The following TBC1D19 variants were observed in gnomAD, a reference collection of about 807,000 sequenced individuals.
TBC1D19 encodes TBC1 domain family member 19, also known as TBC1 domain family, member 19.
TBC1D19 carries 60 observed loss-of-function variants against 89.0 expected under a neutral mutation model. The observed-to-expected ratio is 0.67, with a 90% confidence interval of 0.55 to 0.84. The LOEUF is 0.84. Ranked by LOEUF, TBC1D19 falls within the 40% of genes least tolerant of loss-of-function variation. The probability of loss-of-function intolerance (pLI) is 0.00; values close to 1 mark genes in which losing one functional copy is unlikely to be tolerated. For missense variants in TBC1D19, 500 were observed against 610.8 expected, an observed-to-expected ratio of 0.82 and a Z score of 1.91; for synonymous variants, 189 against 199.7, an observed-to-expected ratio of 0.95 and a Z score of 0.45.
At chr4:26,805,540 C>T in the TBC1D19 span, among the ~76,000 whole-genome samples, 1 of 152,178 alleles carries the variant, frequency 6.6e-6, no homozygotes, top group African/African-American at 2.4e-5. Flanking sequence ...ATCCTCAGTC[C>T]TCAGTCACTC....
chr4:26,829,587 CCT>C, the TBC1D19 span, among the ~76,000 whole-genome samples: 2 of 152,124 alleles, frequency 1.3e-5, no homozygotes, highest in Non-Finnish European at 2.9e-5. Context: ...CCATTTTTCC[CCT>C]CTCTCACACA....
At chr4:26,583,996 A>T, upstream of TBC1D19, 1 of 577,620 alleles carries the variant, frequency 1.7e-6, no homozygotes, top group Admixed American at 3.2e-5. Flanking sequence ...CGGAACGCAG[A>T]TGCTGTGGCC....
chr4:26,819,340 T>C, the TBC1D19 span, among the ~76,000 whole-genome samples: 1 of 152,214 alleles, frequency 6.6e-6, no homozygotes, highest in South Asian at 2.1e-4. Context: ...CCAGTGTTCC[T>C]GTGCTCCTGG....
chr4:26,770,042 C>CA, the TBC1D19 span, among the ~76,000 whole-genome samples: 1 of 142,222 alleles, frequency 7.0e-6, no homozygotes, highest in African/African-American at 2.6e-5. Context: ...AAAAAGGAAA[C>CA]AAAAAACAGA....
intron 7 of TBC1D19, among the ~76,000 whole-genome samples, chr4:26,644,420 T>A (rs1743771710): frequency 1.3e-5 from 2 of 152,164 alleles, no homozygotes; most frequent in Admixed American, 6.5e-5. Context: ...ATGGAACGTA[T>A]CTCAAAATAA....
the TBC1D19 span, among the ~76,000 whole-genome samples, chr4:26,803,938 G>A: frequency 7.2e-5 from 11 of 151,780 alleles, no homozygotes; most frequent in Non-Finnish European, 5.9e-5. Context: ...GGGGCATGGA[G>A]GTAGGAAAGA....
At chr4:26,740,856 T>G in intron 17 of TBC1D19, 2 of 985,368 alleles carry the variant, frequency 2.0e-6, no homozygotes, top group Non-Finnish European at 2.4e-6. Flanking sequence ...TATATTCCTA[T>G]TTCACCTTCC....
chr4:26,761,145 C>T (rs1340817107), downstream of TBC1D19, among the ~76,000 whole-genome samples: 2 of 152,130 alleles, frequency 1.3e-5, no homozygotes, highest in East Asian at 3.8e-4. Context: ...AGTGTAAGTC[C>T]TCTAACTTTA....
chr4:26,745,648 A>G lies in TBC1D19; in HGVS notation c.1320-2763A>G, dbSNP rs574344459. 5.3e-5 allele frequency among the ~76,000 whole-genome samples: 8 copies of G among 151,444 alleles called. No homozygotes were observed. The South Asian group carries it at 8.4e-4, about 16-fold the overall frequency. On this transcript the variant is annotated intron_variant, in intron 18 of 20. Transcript: ENST00000264866. ...CAGCCTCCCAAGTAGCTGGGATTACAGGTGCACGCCACCATGCGCAGCTAA... is the reference window on the plus strand; with the variant it reads ...CAGCCTCCCAAGTAGCTGGGATTACGGGTGCACGCCACCATGCGCAGCTAA...
At chr4:26,784,862 A>G in the TBC1D19 span, among the ~76,000 whole-genome samples, 1 of 152,238 alleles carries the variant, frequency 6.6e-6, no homozygotes, top group East Asian at 1.9e-4. Flanking sequence ...GCCATGATAT[A>G]CATTCATACT....
chr4:26,775,041 C>G, the TBC1D19 span, among the ~76,000 whole-genome samples: 1 of 152,148 alleles, frequency 6.6e-6, no homozygotes, highest in Non-Finnish European at 1.5e-5. Context: ...TTGAGAATAA[C>G]CATATAAGTT....
chr4:26,825,226 G>A, the TBC1D19 span, among the ~76,000 whole-genome samples: 4 of 151,994 alleles, frequency 2.6e-5, no homozygotes, highest in East Asian at 1.9e-4. Flanking sequence ...AGTTTCCCGA[G>A]TAGCTGGGAC....
rs1718034643 is a variant in TBC1D19 at position 26,736,196 on chromosome 4, A to G, written c.1117+709A>G. ...TAAGAAAATGTGGCACATATACACC[A>G]TGGAATACTATGCAGCCATAAAAAA... On this transcript the variant is annotated intron_variant, in intron 16 of 20. Coordinates refer to ENST00000264866, the MANE Select transcript of TBC1D19 (RefSeq NM_018317.4). Among the ~76,000 whole-genome samples the G allele has an allele frequency of 2.0e-5, 2 of 99,254 alleles. 1 individual carries two copies. The allele number at this position is 99,254 out of a possible 152,430, so 65.1% of individuals were successfully genotyped here. A position where few individuals can be genotyped will look rare whatever the true frequency, so the allele number is the denominator to read the frequency against.
chr4:26,673,797 CT>C lies in TBC1D19; in HGVS notation c.726del (p.Ala243LeufsTer14). The C allele has an allele frequency of 6.2e-7, 1 of 1,610,904 alleles. No homozygotes were observed. The highest frequency in any genetic ancestry group is 8.5e-7 in the Non-Finnish European group (1 of 1,177,676). ...ATAGTTCTAGCAGAACAAGATAGTG[CT>C]GCTGCTCAACAGTACATCAGACAAG... Reference protein sequence around the residue: ...GQKVLAEQDSAAAQQYIRQGS... With the variant: ...GQKVLAEQDSXAAQQYIRQGS... On this transcript the variant is annotated frameshift_variant, in exon 11 of 21. Transcript: ENST00000264866. LOFTEE classifies it high-confidence loss of function.
At chr4:26,764,941 T>C in the TBC1D19 span, among the ~76,000 whole-genome samples, 8 of 152,152 alleles carry the variant, frequency 5.3e-5, no homozygotes, top group African/African-American at 1.9e-4. Context: ...GTAAGGCATA[T>C]GGATAGCTGA....
chr4:26,774,120 G>C, the TBC1D19 span, among the ~76,000 whole-genome samples: 1 of 152,162 alleles, frequency 6.6e-6, no homozygotes, highest in African/African-American at 2.4e-5. Flanking sequence ...CTTTTGGGGG[G>C]CAGGGCTCCT....
intron 1 of TBC1D19, chr4:26,576,931 T>G: frequency 2.2e-6 from 1 of 444,818 alleles, no homozygotes; most frequent in Non-Finnish European, 4.5e-6. Flanking sequence ...CAAACAGTAA[T>G]CTAGGTGTTG....
chr4:26,711,901 A>G (rs1391295098), intron 13 of TBC1D19, among the ~76,000 whole-genome samples: 1 of 152,024 alleles, frequency 6.6e-6, no homozygotes, highest in East Asian at 1.9e-4. Context: ...AGGATTGCAC[A>G]CCAGTACGTA....
At chr4:26,798,020 G>T in the TBC1D19 span, among the ~76,000 whole-genome samples, 42 of 152,232 alleles carry the variant, frequency 2.8e-4, no homozygotes, top group African/African-American at 9.6e-4. Flanking sequence ...AAAAGCAAAT[G>T]CAACAAAAAT....
Sources: allele counts gnomAD v4.1 joint callset (sites outside exome capture counted in the v4.1 genomes callset), GRCh38; gene constraint gnomAD v4.1.1; transcripts MANE v1.5; gene names NCBI Gene and HGNC (gene_info 2026-07-23, HGNC 2026-07-21).